Variants in MTO1 observed in about 807,000 individuals in gnomAD.
The protein encoded by MTO1 is 5-taurinomethyluridine-[tRNA] synthase subunit MTO1, mitochondrial.
Under a neutral mutation model 71.6 loss-of-function variants are expected in MTO1, and 46 were observed. The ratio of observed to expected loss-of-function variants is 0.64; its 90% confidence interval spans 0.51 to 0.82. MTO1 has a LOEUF of 0.82. MTO1 is among the 40% of genes least tolerant of loss of function. The probability of loss-of-function intolerance (pLI) is 0.00; values close to 1 mark genes in which losing one functional copy is unlikely to be tolerated. For synonymous variants in MTO1, 297 were observed against 312.1 expected (o/e 0.95, Z 0.51); for missense variants, 773 against 867.5 (o/e 0.89, Z 1.37).
chr6:73,495,852 A>G (rs1247174713), intron 10 of MTO1, among the ~76,000 whole-genome samples: 1 of 152,210 alleles, frequency 6.6e-6, no homozygotes, highest in Non-Finnish European at 1.5e-5. Context: ...TTACAATATT[A>G]TATAAGCTAT....
Position 73,462,052 on chromosome 6 carries a change from T to TC in MTO1, c.199dup (p.His67ProfsTer12). ...GCGGCTCTCGGACTCTGCTCCTCAC[T>TC]CACCGCGTGGACACGATCGGTGAGG... On this transcript the variant is annotated frameshift_variant, in exon 1 of 12. Transcript: ENST00000498286. LOFTEE classifies it high-confidence loss of function. The TC allele has an allele frequency of 6.2e-7, 1 of 1,613,694 alleles. No individual in the cohort carries two copies.
At chr6:73,494,671 T>G (rs963780514) in intron 10 of MTO1, among the ~76,000 whole-genome samples, 1 of 150,950 alleles carries the variant, frequency 6.6e-6, no homozygotes, top group Non-Finnish European at 1.5e-5. Context: ...GAGACGGGGT[T>G]TCACTATTTG....
intron 9 of MTO1, among the ~76,000 whole-genome samples, chr6:73,491,588 T>C (rs1333569130): frequency 1.3e-5 from 2 of 152,162 alleles, no homozygotes; most frequent in Admixed American, 6.6e-5. Flanking sequence ...TTCACAGGAC[T>C]GTAGGACTTA....
rs182052461 is a variant in MTO1 at position 73,484,606 on chromosome 6, A to G, written c.1637+1986A>G. On this transcript the variant is annotated intron_variant, in intron 9 of 11. Coordinates refer to ENST00000498286, the MANE Select transcript of MTO1 (RefSeq NM_012123.4). ...GGGATACTACCAACATTCAGACTATAGCAGTGGATATATTTGTTTACTAGC... is the reference window on the plus strand; with the variant it reads ...GGGATACTACCAACATTCAGACTATGGCAGTGGATATATTTGTTTACTAGC... Among the ~76,000 whole-genome samples the G allele has an allele frequency of 4.8e-3, 737 of 152,290 alleles. 11 individuals are homozygous for G. Among genetic ancestry groups the G allele is most frequent in the Non-Finnish European group, 4.3e-3 (294 of 68,022 alleles).
intron 1 of MTO1, among the ~76,000 whole-genome samples, chr6:73,465,469 T>A (rs9341425): frequency 0.27 from 40,627 of 151,828 alleles, 6,852 homozygotes; most frequent in South Asian, 0.5. Context: ...CGGCCCTGTT[T>A]TTTATTTATT....
At chr6:73,471,513 C>T (rs897603139) in intron 3 of MTO1, 3 of 442,506 alleles carry the variant, frequency 6.8e-6, no homozygotes, top group Non-Finnish European at 1.4e-5. Context: ...CACCTGGACC[C>T]AAGTGATCTT....
In MTO1 at chr6:73,502,146, A is replaced by G. The variant is rs1236537507; in HGVS notation, c.*1411A>G. The G allele has an allele frequency of 3.3e-5, 5 of 152,226 alleles. No individual in the cohort carries two copies. The East Asian group carries it at 9.6e-4, about 29-fold the overall frequency. The allele number at this position is 152,226 out of a possible 1,614,324, so 9.4% of individuals were successfully genotyped here. On this transcript the variant is annotated 3_prime_UTR_variant, in exon 12 of 12. Coordinates refer to ENST00000498286, the MANE Select transcript of MTO1 (RefSeq NM_012123.4). ...TATTAATTACAATACCACATTGTGT[A>G]TATATTTTGAAAAGAGGCTGGTTGC...
Position 73,461,795 on chromosome 6 carries a change from G to GT in MTO1, c.-59dup. 6 of 1,554,510 alleles carry GT rather than the reference G, an allele frequency of 3.9e-6. No homozygotes were observed. The highest frequency in any genetic ancestry group is 3.4e-5 in the South Asian group (3 of 87,210). On this transcript the variant is annotated 5_prime_UTR_variant, in exon 1 of 12. It removes the in-frame stop codon of an upstream open reading frame in the 5' UTR. Transcript: ENST00000498286. Reference sequence around the variant, plus strand: ...CGCCCTGCAGATTGTCTCTTGTTGCGTAAGTTTTTTTGACCGTCACTCGTG... The same window carrying GT: ...CGCCCTGCAGATTGTCTCTTGTTGCGTTAAGTTTTTTTGACCGTCACTCGTG...
At chr6:73,467,073 G>A (rs753583492) in intron 3 of MTO1, among the ~76,000 whole-genome samples, 1 of 152,076 alleles carries the variant, frequency 6.6e-6, no homozygotes, top group Non-Finnish European at 1.5e-5. Context: ...TAGCACTTTG[G>A]GAGGCCGAGG....
chr6:73,461,807 G>T lies in MTO1; in HGVS notation c.-48G>T. ...TGTCTCTTGTTGCGTAAGTTTTTTT[G>T]ACCGTCACTCGTGTCAGCTTCAAAG... is the stretch of plus-strand genomic sequence containing the variant. On this transcript the variant is annotated 5_prime_UTR_variant, in exon 1 of 12. Transcript: ENST00000498286. 2 of 1,578,794 alleles carry T rather than the reference G, an allele frequency of 1.3e-6. No homozygotes were observed. Among genetic ancestry groups the T allele is most frequent in the South Asian group, 2.3e-5 (2 of 88,820 alleles).
At position 73,500,666 on chromosome 6, in the gene MTO1, T is replaced by C. The variant is rs550234689; in HGVS notation, c.2010T>C (p.Ala670=). 11 of 1,614,014 alleles carry C rather than the reference T, an allele frequency of 6.8e-6. No homozygotes were observed. Among genetic ancestry groups the C allele is most frequent in the Non-Finnish European group, 9.3e-6 (11 of 1,179,934 alleles). The change falls in exon 12 of 12, where the codon GCT becomes GCC. Residue 670 remains alanine, a synonymous_variant. Coordinates refer to ENST00000498286, the MANE Select transcript of MTO1 (RefSeq NM_012123.4). The part of the protein sequence containing the change: ...FVKTTQRRQS[A]MNESSKTDQY... ...AGACCACTCAACGAAGACAGTCGGC[T>C]ATGAATGAATCATCCAAGACTGATC...
chr6:73,480,222 C>T, intron 6 of MTO1, 96 bp downstream of exon 6: 1 of 1,226,682 alleles, frequency 8.2e-7, no homozygotes, highest in Non-Finnish European at 1.2e-6. Context: ...TTCAGAGCCT[C>T]AGAAGATGAA....
intron 1 of MTO1, among the ~76,000 whole-genome samples, chr6:73,463,123 A>G (rs1770876956): frequency 6.6e-6 from 1 of 151,480 alleles, no homozygotes; most frequent in African/African-American, 2.4e-5. Flanking sequence ...TTCCGGGTTA[A>G]TGCCATTCTC....
Position 73,502,044 on chromosome 6 carries a change from A to G in MTO1, c.*1309A>G, listed in dbSNP as rs936822177. ...TTAGGAATGATGAATATTTTTTAAT[A>G]CTTGATTCAGTGATTTCAAAAGGTC... On this transcript the variant is annotated 3_prime_UTR_variant, in exon 12 of 12. Coordinates refer to ENST00000498286, the MANE Select transcript of MTO1 (RefSeq NM_012123.4). 24 of 152,354 alleles carry G rather than the reference A, an allele frequency of 1.6e-4. No homozygotes were observed. The highest frequency in any genetic ancestry group is 5.3e-4 in the African/African-American group (22 of 41,584). The allele number at this position is 152,354 out of a possible 1,614,324, so 9.4% of individuals were successfully genotyped here.
At chr6:73,480,177 G>T in intron 6 of MTO1, 51 bp downstream of exon 6, 2 of 1,563,180 alleles carry the variant, frequency 1.3e-6, no homozygotes, top group Non-Finnish European at 1.8e-6. Flanking sequence ...TTGTTTTAAT[G>T]GTCAGTGAGG....
chr6:73,493,515 C>T (rs1171574427), intron 10 of MTO1, among the ~76,000 whole-genome samples: 1 of 151,688 alleles, frequency 6.6e-6, no homozygotes, highest in Non-Finnish European at 1.5e-5. Flanking sequence ...CTCAGCCTCC[C>T]AAGTAGCTGG....
intron 9 of MTO1, among the ~76,000 whole-genome samples, chr6:73,491,652 T>C (rs1771809656): frequency 1.3e-5 from 2 of 152,154 alleles, no homozygotes; most frequent in South Asian, 4.1e-4. Context: ...AGTGAAACCC[T>C]TGTTATGAGA....
At chr6:73,497,306 C>G (rs981323723) in intron 10 of MTO1, among the ~76,000 whole-genome samples, 2 of 151,450 alleles carry the variant, frequency 1.3e-5, no homozygotes, top group African/African-American at 4.8e-5. Context: ...GTGGATGCCA[C>G]CACGCCTGGC....
Position 73,508,737 on chromosome 6 carries a change from T to G in MTO1, c.*8002T>G. 6.6e-6 allele frequency: 1 copy of G among 152,172 alleles called. No individual in the cohort carries two copies. The highest frequency in any genetic ancestry group is 2.4e-5 in the African/African-American group (1 of 41,436). 9.4% of individuals were successfully genotyped at this position (152,172 alleles called of 1,614,324 possible). On this transcript the variant is annotated 3_prime_UTR_variant, in exon 12 of 12. Transcript: ENST00000498286. ...AACATTCTTTGTACCCAACCATAAA[T>G]GAATAAAAATCACCTCATTTCTCAT... is the stretch of plus-strand genomic sequence containing the variant.
Sources: gnomAD v4.1 joint callset for allele counts (sites outside exome capture counted in the v4.1 genomes callset) on GRCh38, gnomAD v4.1.1 for gene constraint, MANE v1.5 for transcripts, NCBI Gene and HGNC (gene_info 2026-07-23, HGNC 2026-07-21) for gene names.